Variants in GBE1 observed in about 807,000 individuals in gnomAD.
GBE1 encodes 1,4-alpha-glucan-branching enzyme.
GBE1 carries 70 observed loss-of-function variants against 88.8 expected under a neutral mutation model. The ratio of observed to expected loss-of-function variants is 0.79; its 90% CI spans 0.65 to 0.96. GBE1 has a LOEUF of 0.96. Among genes scored for constraint, GBE1 ranks in the 40% least tolerant of loss-of-function variants. GBE1 has a pLI of 0.00. For missense variants in GBE1, 872 were observed against 871.0 expected, an observed-to-expected ratio of 1.00 and a Z score of -0.01; for synonymous variants, 284 against 300.1, an observed-to-expected ratio of 0.95 and a Z score of 0.56.
chr3:81,491,266 G>T lies in GBE1; in HGVS notation c.2053-803C>A, dbSNP rs531826845. ...GATAAGTTCTTCTTTTCCAATCATG[G>T]CAGCTTTTTCGTTTCTTTCTGAACA... On this transcript the variant is annotated intron_variant, in intron 15 of 15. Coordinates refer to ENST00000429644, the MANE Select transcript of GBE1 (RefSeq NM_000158.4). 1.1e-4 allele frequency among the ~76,000 whole-genome samples: 17 copies of T among 152,160 alleles called. No homozygotes were observed. The South Asian group carries it at 3.5e-3, about 32-fold the overall frequency.
chr3:81,669,170 C>A (rs1048898345), intron 3 of GBE1, among the ~76,000 whole-genome samples: 1 of 152,156 alleles, frequency 6.6e-6, no homozygotes, highest in African/African-American at 2.4e-5. Flanking sequence ...ATTTGAGGGT[C>A]ACAGAATCAA....
chr3:81,580,374 T>G (rs758499609), intron 11 of GBE1, among the ~76,000 whole-genome samples: 2 of 152,034 alleles, frequency 1.3e-5, no homozygotes, highest in Non-Finnish European at 2.9e-5. Context: ...ATGGGACAAC[T>G]AATTTTTCCC....
Position 81,701,983 on chromosome 3 carries a change from C to CA in GBE1, c.313+3460dup, listed in dbSNP as rs767544382. On this transcript the variant is annotated intron_variant, in intron 2 of 15. Transcript: ENST00000429644. ...TAAAATAGTCTCAGGTCAGTAGGCA[C>CA]AAAAAAAAAAAAGAAAAAAAATCTT... 8.0e-3 allele frequency among the ~76,000 whole-genome samples: 629 copies of CA among 78,366 alleles called. 4 individuals are homozygous for CA. Among genetic ancestry groups the CA allele is most frequent in the African/African-American group, 0.011 (222 of 20,318 alleles). The allele number at this position is 78,366 out of a possible 152,430, so 51.4% of individuals were successfully genotyped here.
chr3:81,622,207 T>C (rs1704342370), intron 7 of GBE1, among the ~76,000 whole-genome samples: 1 of 152,172 alleles, frequency 6.6e-6, no homozygotes, highest in Admixed American at 6.5e-5. Context: ...TTCAGACCAA[T>C]CATTCCAACA....
At chr3:81,646,799 T>C (rs1704770278) in intron 5 of GBE1, among the ~76,000 whole-genome samples, 1 of 152,154 alleles carries the variant, frequency 6.6e-6, no homozygotes, top group Non-Finnish European at 1.5e-5. Context: ...TCAGTTACAC[T>C]TGCAATATTC....
intron 7 of GBE1, among the ~76,000 whole-genome samples, chr3:81,626,217 T>C (rs550481994): frequency 6.6e-6 from 1 of 152,288 alleles, no homozygotes; most frequent in South Asian, 2.1e-4. Context: ...ACTATATCTG[T>C]ATTGGTTAAG....
At chr3:81,741,787 T>C (rs1438729660) in intron 1 of GBE1, among the ~76,000 whole-genome samples, 1 of 148,424 alleles carries the variant, frequency 6.7e-6, no homozygotes, top group African/African-American at 2.4e-5. Flanking sequence ...CTACATAATA[T>C]ATAGAGTATT....
intron 12 of GBE1, among the ~76,000 whole-genome samples, chr3:81,564,795 C>T (rs769403234): frequency 2.6e-5 from 4 of 152,112 alleles, no homozygotes; most frequent in Non-Finnish European, 5.9e-5. Context: ...GACTCCGGCA[C>T]AGTCCAGGTC....
At chr3:81,676,570 T>C (rs1705255154) in intron 2 of GBE1, among the ~76,000 whole-genome samples, 1 of 152,068 alleles carries the variant, frequency 6.6e-6, no homozygotes, top group South Asian at 2.1e-4. Flanking sequence ...TATTTGAACA[T>C]CTCTTACTAA....
intron 7 of GBE1, among the ~76,000 whole-genome samples, chr3:81,636,011 A>C (rs796697520): frequency 2.0e-5 from 3 of 152,318 alleles, no homozygotes; most frequent in African/African-American, 7.2e-5. Flanking sequence ...AGATAATACC[A>C]GGAACAAAGT....
chr3:81,703,738 G>C (rs192857849), intron 2 of GBE1, among the ~76,000 whole-genome samples: 4 of 152,000 alleles, frequency 2.6e-5, no homozygotes, highest in Admixed American at 2.0e-4. Flanking sequence ...AAAATATTTG[G>C]AAAAGAAAAG....
At chr3:81,679,097 T>A (rs1038318363) in intron 2 of GBE1, among the ~76,000 whole-genome samples, 12 of 152,068 alleles carry the variant, frequency 7.9e-5, no homozygotes, top group Non-Finnish European at 1.6e-4. Context: ...GTGTCAAAGC[T>A]GGGTGAAAAG....
At chr3:81,757,846 A>C (rs1260505049) in intron 1 of GBE1, among the ~76,000 whole-genome samples, 1 of 152,218 alleles carries the variant, frequency 6.6e-6, no homozygotes, top group African/African-American at 2.4e-5. Context: ...GCCTCAGTAG[A>C]TAGATGGAAT....
chr3:81,599,951 T>G (rs940690836), intron 7 of GBE1, among the ~76,000 whole-genome samples: 3 of 152,200 alleles, frequency 2.0e-5, no homozygotes, highest in Non-Finnish European at 4.4e-5. Context: ...CCCTTCTGAT[T>G]TATTTCTAAT....
intron 3 of GBE1, among the ~76,000 whole-genome samples, chr3:81,652,703 T>C (rs946465290): frequency 3.3e-5 from 5 of 152,260 alleles, no homozygotes; most frequent in African/African-American, 7.2e-5. Context: ...TTGTCTATAG[T>C]AGCTGTCTCA....
rs73853464 is a variant in GBE1, at chr3:81,699,244, G to A, written c.313+6200C>T. On this transcript the variant is annotated intron_variant, in intron 2 of 15. Transcript: ENST00000429644. Reference sequence around the variant, plus strand: ...GAGTTGAAATGTCTATTGAACAAACGACTCCTTGAAGGTCTCTCTGAGTTC... The same window carrying A: ...GAGTTGAAATGTCTATTGAACAAACAACTCCTTGAAGGTCTCTCTGAGTTC... Among the ~76,000 whole-genome samples the A allele has an allele frequency of 5.0e-3, 761 of 152,178 alleles. 2 individuals are homozygous for A. Among genetic ancestry groups the A allele is most frequent in the African/African-American group, 0.018 (730 of 41,516 alleles).
At chr3:81,503,486 A>C (rs1702616102) in intron 14 of GBE1, among the ~76,000 whole-genome samples, 1 of 152,224 alleles carries the variant, frequency 6.6e-6, no homozygotes, top group Non-Finnish European at 1.5e-5. Context: ...GGAAAGACTA[A>C]GTCGGGAAAA....
intron 14 of GBE1, among the ~76,000 whole-genome samples, chr3:81,521,687 A>G (rs1702876248): frequency 6.6e-6 from 1 of 151,578 alleles, no homozygotes; most frequent in African/African-American, 2.4e-5. Flanking sequence ...TAACAGATTA[A>G]TAACAGAGAA....
chr3:81,736,213 G>A (rs75580376), intron 1 of GBE1, among the ~76,000 whole-genome samples: 214 of 152,258 alleles, frequency 1.4e-3, no homozygotes, highest in African/African-American at 4.9e-3. Context: ...AGAAGGGTTG[G>A]AGTGAGGAGG....
Sources: allele counts gnomAD v4.1 joint callset (sites outside exome capture counted in the v4.1 genomes callset), GRCh38; gene constraint gnomAD v4.1.1; transcripts MANE v1.5; gene names NCBI Gene and HGNC (gene_info 2026-07-23, HGNC 2026-07-21).